Variants in STKLD1 observed in about 807,000 individuals in gnomAD.
STKLD1 encodes the protein serine/threonine kinase like domain containing 1.
A neutral mutation model predicts 80.4 loss-of-function variants in STKLD1; 79 were observed. That is an observed-to-expected ratio of 0.98 (90% CI 0.82 to 1.19). STKLD1 has a LOEUF of 1.19. Ranked by LOEUF, STKLD1 falls within the 50% of genes most tolerant of loss-of-function variation. The pLI, the probability that STKLD1 is intolerant of heterozygous loss-of-function variation, is 0.00. For missense variants in STKLD1, 841 were observed against 856.0 expected (o/e 0.98, Z 0.22); for synonymous variants, 393 against 357.6 (o/e 1.10, Z -1.12).
intron 8 of STKLD1, among the ~76,000 whole-genome samples, chr9:133,395,300 G>A (rs1337457782): frequency 6.6e-6 from 1 of 152,062 alleles, no homozygotes; most frequent in African/African-American, 2.4e-5. Context: ...GTGTGACCCT[G>A]GGCATGCTCA....
chr9:133,401,814 C>A lies in STKLD1; in HGVS notation c.1275C>A (p.Ser425Arg). ...CCACCCTGCTGAGTGCTCTTCAGAG[C>A]CACCCCGAGGAGGAGCCACTTCTTG... ...ITSTLLSALQ[S>R]HPEEEPLLVM... The change falls in exon 13 of 18, where the codon AGC (serine) becomes AGA (arginine). Residue 425 changes from serine (S) to arginine (R), a missense_variant. By Grantham distance (110) the Ser-to-Arg change is moderately radical. Transcript: ENST00000371957. 1 of 1,613,686 alleles carries A rather than the reference C, an allele frequency of 6.2e-7. No homozygotes were observed. Among genetic ancestry groups the A allele is most frequent in the South Asian group, 1.1e-5 (1 of 91,088 alleles).
rs587658394 is a variant in STKLD1, at chr9:133,376,370, G to C, written c.-104G>C. ...CAGCGCGCGGGAGGGACGCCTGAGT[G>C]CCTCGAGGGCGCCGTTCGGGCGGGG... On this transcript the variant is annotated 5_prime_UTR_variant, in exon 1 of 18. Transcript: ENST00000371957. 7.1e-7 allele frequency: 1 copy of C among 1,401,694 alleles called. No individual in the cohort carries two copies. The highest frequency in any genetic ancestry group is 9.4e-7 in the Non-Finnish European group (1 of 1,067,232). The allele number at this position is 1,401,694 out of a possible 1,614,324, so 86.8% of individuals were successfully genotyped here. A position where few individuals can be genotyped will look rare whatever the true frequency, so the allele number is the denominator to read the frequency against.
intron 11 of STKLD1, among the ~76,000 whole-genome samples, chr9:133,398,999 T>A (rs1838629119): frequency 6.6e-6 from 1 of 152,050 alleles, no homozygotes. Context: ...ACTACAGGTG[T>A]GTGCCACCAC....
At chr9:133,386,870 C>T (rs2130278279) in intron 4 of STKLD1, among the ~76,000 whole-genome samples, 1,745 of 152,338 alleles carry the variant, frequency 0.011, 13 homozygotes, top group East Asian at 0.018. Context: ...CCAACAATCC[C>T]GGGTCCGAGC....
intron 1 of STKLD1, 72 bp downstream of exon 1, chr9:133,376,632 C>T: frequency 2.2e-6 from 3 of 1,365,210 alleles, no homozygotes; most frequent in East Asian, 2.9e-5. Flanking sequence ...CTACGGCCGG[C>T]GGTTCCGACC....
chr9:133,400,388 T>G, intron 11 of STKLD1, 25 bp from the exon 12 acceptor site: 1 of 1,588,782 alleles, frequency 6.3e-7, no homozygotes, highest in South Asian at 1.1e-5. Context: ...AAAATGAGTC[T>G]CCCCTGTGCC....
rs869053878 is a variant in STKLD1, at chr9:133,392,074, C to CTT, written c.583+1297_583+1298dup. On this transcript the variant is annotated intron_variant, in intron 7 of 17. Transcript: ENST00000371957. ...TGGCAGTTGCTGGTTGCACTCTGTC[C>CTT]TTTTTTTTTTTTTTTTTTTTGAGGC... Among the ~76,000 whole-genome samples, 218 of 132,752 alleles carry CTT rather than the reference C, an allele frequency of 1.6e-3. 4 individuals carry two copies. The highest frequency in any genetic ancestry group is 5.5e-3 in the African/African-American group (198 of 35,732). The allele number at this position is 132,752 out of a possible 152,430, so 87.1% of individuals were successfully genotyped here. A position where few individuals can be genotyped will look rare whatever the true frequency, so the allele number is the denominator to read the frequency against.
At chr9:133,396,063 A>C (rs1838556320) in intron 9 of STKLD1, 1 of 219,364 alleles carries the variant, frequency 4.6e-6, no homozygotes, top group Non-Finnish European at 9.0e-6. Context: ...TCTACATAAA[A>C]AAAAAAATTC....
At chr9:133,383,508 A>ATGATGGCAG (rs1838199745) in intron 2 of STKLD1, among the ~76,000 whole-genome samples, 3 of 36,542 alleles carry the variant, frequency 8.2e-5, no homozygotes, top group African/African-American at 2.8e-4. Context: ...GGTGATGGTG[A>ATGATGGCAG]TGATGGTGAT....
chr9:133,389,315 T>C lies in STKLD1; in HGVS notation c.397-211T>C. 1.0e-6 allele frequency: 1 copy of C among 985,274 alleles called. No individual in the cohort carries two copies. The highest frequency in any genetic ancestry group is 1.2e-6 in the Non-Finnish European group (1 of 829,886). 61.0% of individuals were successfully genotyped at this position (985,274 alleles called of 1,614,324 possible). A position where few individuals can be genotyped will look rare whatever the true frequency, so the allele number is the denominator to read the frequency against. On this transcript the variant is annotated intron_variant, in intron 5 of 17. Coordinates refer to ENST00000371957, the MANE Select transcript of STKLD1 (RefSeq NM_153710.5). This position sits in a 1 kb window ranked among gnomAD's most constrained non-coding sequence, Gnocchi z 6.4. ...AGACAGCAGTGTGGAGTCTGGAAAC[T>C]CAGAGTCCTTCTGGCTGCCGCCGCG...
intron 7 of STKLD1, among the ~76,000 whole-genome samples, chr9:133,392,201 C>T (rs1367460688): frequency 2.0e-5 from 3 of 151,958 alleles, no homozygotes; most frequent in South Asian, 2.1e-4. Flanking sequence ...CTCAGCCTCC[C>T]GAGTAGCTGG....
At chr9:133,386,064 G>A (rs1266356577) in intron 4 of STKLD1, among the ~76,000 whole-genome samples, 3 of 152,006 alleles carry the variant, frequency 2.0e-5, no homozygotes, top group Non-Finnish European at 4.4e-5. Flanking sequence ...GATTACAGGC[G>A]CGTGCCATGA....
At chr9:133,400,627 TA>T in intron 12 of STKLD1, 98 bp downstream of exon 12, 1 of 987,192 alleles carries the variant, frequency 1.0e-6, no homozygotes. Context: ...CCGGGTGGGT[TA>T]GGGGAAGCCA....
At chr9:133,377,605 G>A (rs1838020114) in intron 1 of STKLD1, among the ~76,000 whole-genome samples, 1 of 152,162 alleles carries the variant, frequency 6.6e-6, no homozygotes, top group Non-Finnish European at 1.5e-5. Flanking sequence ...AGAGGTTGTG[G>A]TGAGCCAAGA....
intron 7 of STKLD1, among the ~76,000 whole-genome samples, chr9:133,391,139 G>A (rs2130288175): frequency 6.7e-6 from 1 of 148,956 alleles, no homozygotes; most frequent in African/African-American, 2.5e-5. Context: ...AGGGAGGTGG[G>A]GGGGGTCAGC....
rs376035129 is a variant in STKLD1, at chr9:133,400,403, G to A, written c.1082-10G>A. ...AAAATGAGTCTCCCCTGTGCCGCCC[G>A]CCCTGCCAGGTCTGCCGTGGCCCCC... On this transcript the variant is annotated splice_polypyrimidine_tract_variant and intron_variant, in intron 11 of 17. Transcript: ENST00000371957. 119 of 1,608,290 alleles carry A rather than the reference G, an allele frequency of 7.4e-5. No homozygotes were observed. The highest frequency in any genetic ancestry group is 6.0e-4 in the South Asian group (55 of 91,028).
At chr9:133,395,870 C>A in intron 9 of STKLD1, 107 bp downstream of exon 9, 1 of 1,130,726 alleles carries the variant, frequency 8.8e-7, no homozygotes, top group Admixed American at 2.2e-5. Flanking sequence ...CAAAGAACTC[C>A]ATCACAGATG....
rs1454122030 is a variant in STKLD1 at position 133,385,489 on chromosome 9, G to GC, written c.220-125dup. 2.3e-6 allele frequency: 2 copies of GC among 884,744 alleles called. No homozygotes were observed. Among genetic ancestry groups the GC allele is most frequent in the Non-Finnish European group, 3.6e-6 (2 of 561,026 alleles). The allele number at this position is 884,744 out of a possible 1,614,324, so 54.8% of individuals were successfully genotyped here. On this transcript the variant is annotated intron_variant, in intron 3 of 17. Transcript: ENST00000371957. The surrounding 1 kb of genome is among the most constrained non-coding windows in gnomAD (Gnocchi z 4.9). The stretch of plus-strand genomic sequence containing the variant: ...CCCAACCACCGTGCAGCTTCCCTGA[G>GC]CCCACTCCCTGGCCCAGCTCAGAGC...
At position 133,405,588 on chromosome 9, in the gene STKLD1, CAT is replaced by C. The variant is rs1554778585; in HGVS notation, c.*168_*169del. On this transcript the variant is annotated 3_prime_UTR_variant, in exon 18 of 18. Transcript: ENST00000371957. Reference sequence around the variant, plus strand: ...TGTCCATGACTGCTGGATTGAGTCACATGAGTAACTGCTCCTGGACCCGGGGA... The same window carrying C: ...TGTCCATGACTGCTGGATTGAGTCACGAGTAACTGCTCCTGGACCCGGGGA... 3.4e-6 allele frequency: 2 copies of C among 590,828 alleles called. No individual in the cohort carries two copies. The highest frequency in any genetic ancestry group is 5.4e-6 in the Non-Finnish European group (2 of 368,558). The allele number at this position is 590,828 out of a possible 1,614,324, so 36.6% of individuals were successfully genotyped here.
Sources: gnomAD v4.1 joint callset for allele counts (sites outside exome capture counted in the v4.1 genomes callset) on GRCh38, gnomAD v4.1.1 for gene constraint, Gnocchi (gnomAD v3.1) non-coding constraint, MANE v1.5 for transcripts, NCBI Gene and HGNC (gene_info 2026-07-23, HGNC 2026-07-21) for gene names.